The following NAGK variants were observed in gnomAD, a reference collection of about 807,000 sequenced individuals.
NAGK encodes the protein N-acetyl-D-glucosamine kinase.
In NAGK, 35 loss-of-function variants were observed where a neutral mutation model predicts 42.9. That is an observed-to-expected ratio of 0.82 (90% CI 0.62 to 1.08). NAGK has a LOEUF of 1.08. NAGK is among the 50% of genes least tolerant of loss of function. NAGK has a pLI of 0.00. For missense variants in NAGK, 446 were observed against 446.0 expected, an observed-to-expected ratio of 1.00 and a Z score of 0.00; for synonymous variants, 172 against 176.0, an observed-to-expected ratio of 0.98 and a Z score of 0.18.
intron 6 of NAGK, chr2:71,075,210 A>G: frequency 5.3e-6 from 1 of 189,734 alleles, no homozygotes; most frequent in Non-Finnish European, 1.1e-5. Context: ...ACGTGGGAGG[A>G]TTGCTTAAGG....
chr2:71,074,690 G>T (rs545577852), intron 6 of NAGK: 2 of 152,372 alleles, frequency 1.3e-5, no homozygotes, highest in South Asian at 4.1e-4. Flanking sequence ...CAAGGTGGGC[G>T]GATCACTTGA....
intron 1 of NAGK, 183 bp downstream of exon 1, chr2:71,068,895 ACT>A: frequency 1.5e-6 from 2 of 1,318,656 alleles, no homozygotes; most frequent in East Asian, 3.1e-5. Flanking sequence ...CCTTACGGGG[ACT>A]CTGCCTGTGC....
rs369077263 is a variant in NAGK, at chr2:71,072,630, C to G, written c.356-11C>G. On this transcript the variant is annotated splice_polypyrimidine_tract_variant and intron_variant, in intron 4 of 9. Coordinates refer to ENST00000244204, the MANE Select transcript of NAGK (RefSeq NM_017567.6). ...CTCGGCCACACTGAGCCTCCTATTC[C>G]CTTTCCCCAGGTGGAGTTGTGCTCA... 1 of 1,610,696 alleles carries G rather than the reference C, an allele frequency of 6.2e-7. No homozygotes were observed.
At position 71,079,329 on chromosome 2, in the gene NAGK, GCT is replaced by G; in HGVS notation, c.*822_*823del. The G allele has an allele frequency of 1.3e-5, 2 of 152,210 alleles. No individual in the cohort carries two copies. Among genetic ancestry groups the G allele is most frequent in the African/African-American group, 4.8e-5 (2 of 41,450 alleles). 9.4% of individuals were successfully genotyped at this position (152,210 alleles called of 1,614,324 possible). On this transcript the variant is annotated 3_prime_UTR_variant, in exon 10 of 10. Transcript: ENST00000244204. ...TTCAGCCAGTGAAGGCAAACCTGAAGCTTCGGTTCCACAGCCTGTGCTGCTTG... is the reference window on the plus strand; with the variant it reads ...TTCAGCCAGTGAAGGCAAACCTGAAGTCGGTTCCACAGCCTGTGCTGCTTG...
At chr2:71,069,641 A>G (rs1671923813) in intron 1 of NAGK, 1 of 154,382 alleles carries the variant, frequency 6.5e-6, no homozygotes, top group Non-Finnish European at 1.5e-5. Context: ...AGTCATCTGT[A>G]AGATATGACC....
At chr2:71,071,881 C>G in intron 4 of NAGK, 54 bp downstream of exon 4, 1 of 1,600,274 alleles carries the variant, frequency 6.2e-7, no homozygotes, top group South Asian at 1.1e-5. Context: ...TGGGAAAGCC[C>G]CTTAGATATA....
At chr2:71,077,251 C>T (rs79434608) in intron 8 of NAGK, among the ~76,000 whole-genome samples, 17,484 of 152,180 alleles carry the variant, frequency 0.11, 1,129 homozygotes, top group Non-Finnish European at 0.15. Context: ...CATGAGCCAC[C>T]GCGCCCAGCC....
intron 6 of NAGK, chr2:71,075,020 G>T (rs956196463): frequency 1.3e-5 from 2 of 152,488 alleles, no homozygotes; most frequent in African/African-American, 4.8e-5. Context: ...ACCTTCTGTG[G>T]TCAAATAAGT....
intron 6 of NAGK, 63 bp from the exon 7 acceptor site, chr2:71,075,492 G>T: frequency 7.5e-7 from 1 of 1,339,954 alleles, no homozygotes; most frequent in East Asian, 2.3e-5. Flanking sequence ...GGCCAACTTT[G>T]GTGGGCAGAT....
chr2:71,079,357 G>T lies in NAGK; in HGVS notation c.*849G>T, dbSNP rs1672329133. On this transcript the variant is annotated 3_prime_UTR_variant, in exon 10 of 10. Coordinates refer to ENST00000244204, the MANE Select transcript of NAGK (RefSeq NM_017567.6). ...TCGGTTCCACAGCCTGTGCTGCTTG[G>T]TGAAGACTAAGGACAGGAGTCTCGA... 6.6e-6 allele frequency: 1 copy of T among 152,182 alleles called. No homozygotes were observed. The highest frequency in any genetic ancestry group is 1.5e-5 in the Non-Finnish European group (1 of 68,032). The allele number at this position is 152,182 out of a possible 1,614,324, so 9.4% of individuals were successfully genotyped here. A position where few individuals can be genotyped will look rare whatever the true frequency, so the allele number is the denominator to read the frequency against.
At chr2:71,072,159 A>T (rs892370478) in intron 4 of NAGK, 2 of 310,172 alleles carry the variant, frequency 6.4e-6, no homozygotes, top group Non-Finnish European at 1.2e-5. Context: ...TAGTGTAAAG[A>T]GTTTTGGTGT....
At chr2:71,077,710 T>G in intron 9 of NAGK, 74 bp downstream of exon 9, 4 of 1,511,160 alleles carry the variant, frequency 2.6e-6, no homozygotes, top group Non-Finnish European at 3.6e-6. Context: ...GGAAAGCTTT[T>G]TGCCCCAGAG....
intron 5 of NAGK, chr2:71,073,255 T>C: frequency 1.7e-6 from 1 of 583,282 alleles, no homozygotes; most frequent in Admixed American, 3.0e-5. Flanking sequence ...CAGCCTCACC[T>C]ATTCTGTTTT....
chr2:71,073,133 G>A (rs1672083811), intron 5 of NAGK: 1 of 461,458 alleles, frequency 2.2e-6, no homozygotes, highest in Non-Finnish European at 4.0e-6. Context: ...TCTAGGTAGT[G>A]TGTGTTTATT....
At chr2:71,074,611 TTTAC>T (rs1316045019) in intron 6 of NAGK, 1 of 152,250 alleles carries the variant, frequency 6.6e-6, no homozygotes, top group Non-Finnish European at 1.5e-5. Context: ...CCCTCAGACA[TTTAC>T]TTAAAATATA....
rs532811115 is a variant in NAGK at position 71,076,608 on chromosome 2, T to G, written c.672T>G (p.Ala224=). ...AGFCRKIAEG[A]QQGDPLSRYI... The stretch of plus-strand genomic sequence containing the variant: ...CTTCCGTCCTCCCTACCCCAGGTGC[T>G]CAGCAGGGAGACCCCCTTTCCCGCT... The change falls in exon 8 of 10, where the codon GCT becomes GCG. Residue 224 remains alanine (A), a synonymous_variant. Coordinates refer to ENST00000244204, the MANE Select transcript of NAGK (RefSeq NM_017567.6). 107 of 1,612,484 alleles carry G rather than the reference T, an allele frequency of 6.6e-5. No individual in the cohort carries two copies. In the East Asian group the frequency reaches 2.1e-3, roughly 32 times the overall value.
At chr2:71,069,204 C>T in intron 1 of NAGK, 1 of 650,480 alleles carries the variant, frequency 1.5e-6, no homozygotes, top group Non-Finnish European at 1.9e-6. Flanking sequence ...CCGCTCCATC[C>T]CTGTTGGCCT....
At position 71,072,171 on chromosome 2, in the gene NAGK, A is replaced by T. The variant is rs571177328; in HGVS notation, c.355+344A>T. ...TGATAGTGTAAAGAGTTTTGGTGTC[A>T]TGGGATTGGTGTTTGAATCCCAGTT... is the stretch of plus-strand genomic sequence containing the variant. On this transcript the variant is annotated intron_variant, in intron 4 of 9. Transcript: ENST00000244204. 1.2e-4 allele frequency: 35 copies of T among 292,144 alleles called. No homozygotes were observed. In the East Asian group the frequency reaches 2.4e-3, roughly 20 times the overall value. 18.1% of individuals were successfully genotyped at this position (292,144 alleles called of 1,614,324 possible).
chr2:71,068,505 A>T (rs752465880), upstream of NAGK: 59 of 1,431,956 alleles, frequency 4.1e-5, no homozygotes, highest in African/African-American at 7.8e-4. Flanking sequence ...AGCCTGAGGG[A>T]CGCAGCCATC....
Sources: gnomAD v4.1 joint callset for allele counts (sites outside exome capture counted in the v4.1 genomes callset) on GRCh38, gnomAD v4.1.1 for gene constraint, MANE v1.5 for transcripts, NCBI Gene and HGNC (gene_info 2026-07-23, HGNC 2026-07-21) for gene names.